Variants in TNR observed in about 807,000 individuals in gnomAD.
The protein encoded by TNR is tenascin-R.
Under a neutral mutation model 150.4 loss-of-function variants are expected in TNR, and 45 were observed. The ratio of observed to expected loss-of-function variants is 0.30; its 90% CI spans 0.24 to 0.38. The LOEUF is 0.38. Among genes scored for constraint, TNR ranks in the 10% least tolerant of loss-of-function variants. The pLI, the probability that TNR is intolerant of heterozygous loss-of-function variation, is 1.00. For synonymous variants in TNR, 687 were observed against 678.4 expected, an observed-to-expected ratio of 1.01 and a Z score of -0.20; for missense variants, 1,544 against 1,759.1, an observed-to-expected ratio of 0.88 and a Z score of 2.19.
intron 1 of TNR, among the ~76,000 whole-genome samples, chr1:175,566,406 TGA>T (rs1661645306): frequency 1.3e-5 from 2 of 152,310 alleles, no homozygotes; most frequent in Admixed American, 6.5e-5. Context: ...ACACGGTGTT[TGA>T]GAGTCTCTGG....
chr1:175,472,259 A>G (rs992601336), intron 2 of TNR, among the ~76,000 whole-genome samples: 7 of 152,196 alleles, frequency 4.6e-5, no homozygotes, highest in African/African-American at 1.7e-4. Flanking sequence ...CTTCAGGAGC[A>G]ATAACATGTG....
intron 1 of TNR, among the ~76,000 whole-genome samples, chr1:175,656,183 TGTG>T (rs1665170167): frequency 6.9e-6 from 1 of 145,914 alleles, no homozygotes; most frequent in African/African-American, 2.8e-5. Flanking sequence ...TGTGTGTGTG[TGTG>T]TGTGTATGTG....
chr1:175,391,783 A>T (rs1050799921), intron 6 of TNR, among the ~76,000 whole-genome samples: 3 of 152,258 alleles, frequency 2.0e-5, no homozygotes, highest in Admixed American at 6.5e-5. Flanking sequence ...GTTGCGGTTA[A>T]CATTCATCAG....
intron 2 of TNR, among the ~76,000 whole-genome samples, chr1:175,434,414 G>T (rs558887976): frequency 1.3e-3 from 194 of 152,240 alleles, no homozygotes; most frequent in African/African-American, 4.6e-3. Context: ...TCTCCAGATG[G>T]TTGGAGAGAG....
At chr1:175,387,855 C>T (rs1408342241) in intron 7 of TNR, among the ~76,000 whole-genome samples, 1 of 152,206 alleles carries the variant, frequency 6.6e-6, no homozygotes, top group Non-Finnish European at 1.5e-5. Flanking sequence ...CTGGGTACCC[C>T]TCCCTCTTTC....
At chr1:175,703,642 A>G (rs891152625) in intron 1 of TNR, among the ~76,000 whole-genome samples, 33 of 152,344 alleles carry the variant, frequency 2.2e-4, no homozygotes, top group African/African-American at 7.9e-4. Context: ...TCAATAAACC[A>G]CCCAATAGAC....
chr1:175,428,295 C>T (rs372821486), intron 2 of TNR, among the ~76,000 whole-genome samples: 16 of 152,176 alleles, frequency 1.1e-4, no homozygotes, highest in African/African-American at 3.6e-4. Flanking sequence ...CTAGAGGCTG[C>T]GTATCCCTGT....
chr1:175,670,216 C>A (rs936549312), intron 1 of TNR, among the ~76,000 whole-genome samples: 1 of 152,166 alleles, frequency 6.6e-6, no homozygotes, highest in African/African-American at 2.4e-5. Flanking sequence ...TGTCCAGGGG[C>A]ACGAGGCTGG....
chr1:175,428,894 C>A (rs1655134462), intron 2 of TNR, among the ~76,000 whole-genome samples: 1 of 152,122 alleles, frequency 6.6e-6, no homozygotes, highest in Non-Finnish European at 1.5e-5. Context: ...GGGATAGAAT[C>A]CATTCTGCTT....
intron 8 of TNR, among the ~76,000 whole-genome samples, chr1:175,385,572 T>C (rs1652877331): frequency 1.3e-5 from 2 of 152,260 alleles, no homozygotes; most frequent in Admixed American, 6.5e-5. Flanking sequence ...ATAATGCCAA[T>C]GCACATCATC....
At chr1:175,607,331 C>A (rs1663441608) in intron 1 of TNR, among the ~76,000 whole-genome samples, 1 of 152,182 alleles carries the variant, frequency 6.6e-6, no homozygotes, top group Non-Finnish European at 1.5e-5. Flanking sequence ...CAAATGGAAT[C>A]CCTGGCACTA....
chr1:175,326,605 T>G (rs1649410833), intron 21 of TNR, among the ~76,000 whole-genome samples: 1 of 152,216 alleles, frequency 6.6e-6, no homozygotes, highest in South Asian at 2.1e-4. Flanking sequence ...ACTCACTCTT[T>G]CCCATCTCTT....
intron 2 of TNR, among the ~76,000 whole-genome samples, chr1:175,445,804 T>C (rs1182612737): frequency 6.6e-6 from 1 of 152,228 alleles, no homozygotes; most frequent in East Asian, 1.9e-4. Flanking sequence ...TGACCTATGA[T>C]TGCAGTTGTA....
At chr1:175,709,339 ACACG>A (rs941427354) in intron 1 of TNR, among the ~76,000 whole-genome samples, 6 of 150,810 alleles carry the variant, frequency 4.0e-5, no homozygotes, top group South Asian at 4.2e-4. Flanking sequence ...ACACACACAC[ACACG>A]CACTTCCAAC....
intron 1 of TNR, among the ~76,000 whole-genome samples, chr1:175,726,295 A>C (rs999547444): frequency 2.6e-5 from 4 of 152,226 alleles, no homozygotes; most frequent in African/African-American, 9.6e-5. Context: ...AGTGCTATAG[A>C]AGACCAGGAA....
At chr1:175,703,467 C>G (rs1285439521) in intron 1 of TNR, among the ~76,000 whole-genome samples, 1 of 152,126 alleles carries the variant, frequency 6.6e-6, no homozygotes, top group Non-Finnish European at 1.5e-5. Flanking sequence ...ATGAAAACTG[C>G]CTAAATATAT....
intron 2 of TNR, among the ~76,000 whole-genome samples, chr1:175,513,589 T>A (rs1199145860): frequency 6.6e-6 from 1 of 152,126 alleles, no homozygotes; most frequent in African/African-American, 2.4e-5. Context: ...ATGTTATAGG[T>A]GCAGGCAAAA....
In TNR at chr1:175,620,186, G is replaced by T. The variant is rs529602187; in HGVS notation, c.-164-91817C>A. 3.9e-5 allele frequency among the ~76,000 whole-genome samples: 6 copies of T among 152,312 alleles called. No individual in the cohort carries two copies. In the South Asian group the frequency reaches 1.0e-3, roughly 26 times the overall value. On this transcript the variant is annotated intron_variant, in intron 1 of 22. Coordinates refer to ENST00000367674, the MANE Select transcript of TNR (RefSeq NM_003285.3). ...TTCTGGCACAGAACTCTTTCTCCCT[G>T]GTTTTTAAGAGAGTAATAGGCAGGA...
At chr1:175,567,980 T>G (rs1039603403) in intron 1 of TNR, among the ~76,000 whole-genome samples, 1 of 152,250 alleles carries the variant, frequency 6.6e-6, no homozygotes, top group Non-Finnish European at 1.5e-5. Context: ...CTTATGTCCC[T>G]AAACCAGGGA....
Sources: allele counts gnomAD v4.1 joint callset (sites outside exome capture counted in the v4.1 genomes callset), GRCh38; gene constraint gnomAD v4.1.1; transcripts MANE v1.5; gene names NCBI Gene and HGNC (gene_info 2026-07-23, HGNC 2026-07-21).